Variants in PTPRK observed in about 807,000 individuals in gnomAD.
PTPRK encodes receptor-type tyrosine-protein phosphatase kappa.
In PTPRK, 75 loss-of-function variants were observed where a neutral mutation model predicts 178.0. The ratio of observed to expected loss-of-function variants is 0.42; its 90% CI spans 0.35 to 0.51. The LOEUF is 0.51. PTPRK is among the 20% of genes least tolerant of loss of function. The pLI is 0.02. For missense variants in PTPRK, 1,441 were observed against 1,797.8 expected (o/e 0.80, Z 3.59); for synonymous variants, 637 against 620.6 (o/e 1.03, Z -0.39).
intron 3 of PTPRK, among the ~76,000 whole-genome samples, chr6:128,262,465 G>A (rs571938738): frequency 1.2e-4 from 19 of 152,044 alleles, no homozygotes; most frequent in South Asian, 2.1e-4. Context: ...AAGAGTGTTC[G>A]ACTCCCCACA....
intron 6 of PTPRK, among the ~76,000 whole-genome samples, chr6:128,196,089 G>T (rs1427729114): frequency 6.6e-6 from 1 of 152,098 alleles, no homozygotes; most frequent in East Asian, 1.9e-4. Context: ...CAGAGGACAG[G>T]TTATTACGTA....
chr6:128,198,000 C>A (rs1355249928), intron 6 of PTPRK, among the ~76,000 whole-genome samples: 3 of 152,084 alleles, frequency 2.0e-5, no homozygotes, highest in African/African-American at 4.8e-5. Context: ...AATTCAAGTG[C>A]CAGACTTGTG....
At chr6:128,411,147 C>T (rs1227953628) in intron 1 of PTPRK, among the ~76,000 whole-genome samples, 2 of 152,126 alleles carry the variant, frequency 1.3e-5, no homozygotes, top group Non-Finnish European at 2.9e-5. Flanking sequence ...CTCACCTCAG[C>T]CTCTCAAAGT....
At chr6:128,143,296 C>A (rs1796037115) in intron 7 of PTPRK, among the ~76,000 whole-genome samples, 1 of 152,076 alleles carries the variant, frequency 6.6e-6, no homozygotes, top group Non-Finnish European at 1.5e-5. Flanking sequence ...CACCTCTCAC[C>A]ATATATAGAA....
chr6:128,109,899 C>A (rs551738237), intron 7 of PTPRK, among the ~76,000 whole-genome samples: 1 of 151,736 alleles, frequency 6.6e-6, no homozygotes, highest in African/African-American at 2.4e-5. Flanking sequence ...TGTATACACA[C>A]TACTTTTTTG....
intron 7 of PTPRK, among the ~76,000 whole-genome samples, chr6:128,152,777 G>T (rs147697308): frequency 2.4e-4 from 37 of 152,022 alleles, no homozygotes; most frequent in Non-Finnish European, 5.0e-4. Flanking sequence ...AATAAATAAG[G>T]TCTGCTTAGA....
intron 5 of PTPRK, among the ~76,000 whole-genome samples, chr6:128,219,326 G>A (rs1334570193): frequency 6.6e-6 from 1 of 152,092 alleles, no homozygotes; most frequent in Admixed American, 6.5e-5. Flanking sequence ...ATTTTTCTAT[G>A]GAACAATGAG....
intron 2 of PTPRK, among the ~76,000 whole-genome samples, chr6:128,376,437 T>C (rs1389620515): frequency 2.0e-5 from 3 of 152,096 alleles, no homozygotes; most frequent in Non-Finnish European, 4.4e-5. Flanking sequence ...GGGTACCAGG[T>C]CCCTAGGCTG....
intron 3 of PTPRK, among the ~76,000 whole-genome samples, chr6:128,243,488 T>TAAAAAAAAAAAAA (rs760606919): frequency 1.7e-5 from 1 of 59,132 alleles, no homozygotes; most frequent in Non-Finnish European, 3.7e-5. Context: ...AGCCTGTCGC[T>TAAAAAAAAAAAAA]AAAAAAAAAA....
At position 128,464,643 on chromosome 6, in the gene PTPRK, A is replaced by ATATATATATATG. The variant is rs1176235300; in HGVS notation, c.100+55615_100+55616insCATATATATATA. 2.4e-3 allele frequency among the ~76,000 whole-genome samples: 196 copies of ATATATATATATG among 81,026 alleles called. 4 individuals carry two copies. Among genetic ancestry groups the ATATATATATATG allele is most frequent in the African/African-American group, 9.5e-3 (158 of 16,578 alleles). The allele number at this position is 81,026 out of a possible 152,430, so 53.2% of individuals were successfully genotyped here. A position where few individuals can be genotyped will look rare whatever the true frequency, so the allele number is the denominator to read the frequency against. On this transcript the variant is annotated intron_variant, in intron 1 of 29. Coordinates refer to ENST00000368226, the MANE Select transcript of PTPRK (RefSeq NM_002844.4). ...TACATATATATATATATACACATAT[A>ATATATATATATG]TATATATATATATATATATATATAT...
chr6:128,513,441 C>A (rs1198765152), intron 1 of PTPRK, among the ~76,000 whole-genome samples: 1 of 149,914 alleles, frequency 6.7e-6, no homozygotes, highest in Admixed American at 6.7e-5. Context: ...CGAGATCGTG[C>A]CACTGCACTC....
At position 128,089,708 on chromosome 6, in the gene PTPRK, T is replaced by A; in HGVS notation, c.1447A>T (p.Ile483Phe). 1 of 1,612,018 alleles carries A rather than the reference T, an allele frequency of 6.2e-7. No homozygotes were observed. Among genetic ancestry groups the A allele is most frequent in the South Asian group, 1.1e-5 (1 of 91,058 alleles). The change falls in exon 8 of 30, where the codon ATT becomes TTT. Residue 483 changes from isoleucine to phenylalanine, a missense_variant. This residue lies in a region of PTPRK where 945 missense variants were observed against 1,080.6 expected (regional missense o/e 0.87). Transcript: ENST00000368226. ...AGCATACCATCTTCATCAGTTTGAATAATTGTCTCTTCACTCTCCTTCCTT... is the reference window on the plus strand; with the variant it reads ...AGCATACCATCTTCATCAGTTTGAAAAATTGTCTCTTCACTCTCCTTCCTT... ...EGRKESEETI[I>F]QTDEDVPGPV...
intron 1 of PTPRK, among the ~76,000 whole-genome samples, chr6:128,420,915 C>T (rs536290443): frequency 2.6e-5 from 4 of 152,154 alleles, no homozygotes; most frequent in East Asian, 1.9e-4. Context: ...GATAAAATGA[C>T]GAAATTCAAT....
chr6:128,495,467 A>T (rs1854516261), intron 1 of PTPRK, among the ~76,000 whole-genome samples: 1 of 152,130 alleles, frequency 6.6e-6, no homozygotes, highest in Non-Finnish European at 1.5e-5. Context: ...TAAAAAAAAA[A>T]ATCCTCCTTA....
At chr6:128,343,804 A>G (rs1471967061) in intron 2 of PTPRK, among the ~76,000 whole-genome samples, 2 of 152,178 alleles carry the variant, frequency 1.3e-5, no homozygotes, top group Admixed American at 6.6e-5. Flanking sequence ...ATACAAAGCC[A>G]AAGTCCTTAT....
intron 4 of PTPRK, chr6:128,241,112 C>T (rs952273859): frequency 4.8e-6 from 2 of 414,726 alleles, no homozygotes; most frequent in African/African-American, 4.2e-5. Context: ...AGTAAGGCAG[C>T]TTGAACTTTA....
Position 128,240,164 on chromosome 6 carries a change from GA to G in PTPRK, c.578-15del, listed in dbSNP as rs201987667. The G allele has an allele frequency of 4.8e-4, 713 of 1,482,824 alleles. 1 individual carries two copies. Among genetic ancestry groups the G allele is most frequent in the Admixed American group, 1.3e-3 (65 of 50,358 alleles). The allele number at this position is 1,482,824 out of a possible 1,614,324, so 91.9% of individuals were successfully genotyped here. A position where few individuals can be genotyped will look rare whatever the true frequency, so the allele number is the denominator to read the frequency against. ...GAGGAGATTTATCTGTGAAGGAAGG[GA>G]AAAAAAAATGTATTTGTTTTCACAT... On this transcript the variant is annotated splice_polypyrimidine_tract_variant and intron_variant, in intron 4 of 29. Coordinates refer to ENST00000368226, the MANE Select transcript of PTPRK (RefSeq NM_002844.4).
In PTPRK at chr6:128,218,964, G is replaced by A. The variant is rs771852470; in HGVS notation, c.826C>T (p.Arg276Ter). The A allele has an allele frequency of 1.9e-6, 3 of 1,613,954 alleles. No homozygotes were observed. Among genetic ancestry groups the A allele is most frequent in the East Asian group, 2.2e-5 (1 of 44,862 alleles). Residue 276 changes from arginine (R) to a stop codon, truncating the protein, a stop_gained, in exon 6 of 30, where the codon CGA (arginine) becomes TGA (stop). Coordinates refer to ENST00000368226, the MANE Select transcript of PTPRK (RefSeq NM_002844.4). LOFTEE classifies it high-confidence loss of function. ...DLYRCVTQSE[R>*]GSGVSNFAQL... ...GCAAAATTGGACACACCGGAACCTC[G>A]TTCTGACTGAGTTACACAGCGATAC...
intron 6 of PTPRK, among the ~76,000 whole-genome samples, chr6:128,194,509 CA>C (rs1804531031): frequency 6.6e-6 from 1 of 152,154 alleles, no homozygotes; most frequent in South Asian, 2.1e-4. Context: ...CTAATAAATA[CA>C]GAAGATTTTT....
Sources: allele counts gnomAD v4.1 joint callset (sites outside exome capture counted in the v4.1 genomes callset), GRCh38; gene constraint gnomAD v4.1.1; regional missense constraint gnomAD v4.1.1; transcripts MANE v1.5; gene names NCBI Gene and HGNC (gene_info 2026-07-23, HGNC 2026-07-21).